The following VTA1 variants were observed in gnomAD, a reference collection of about 807,000 sequenced individuals.
VTA1 encodes the protein vesicle trafficking 1, also known as vacuolar protein sorting-associated protein VTA1 homolog.
Under a neutral mutation model 36.9 loss-of-function variants are expected in VTA1, and 24 were observed. The ratio of observed to expected loss-of-function variants is 0.65; its 90% CI spans 0.47 to 0.91. The LOEUF (loss-of-function observed/expected upper bound fraction) is 0.91, where lower values mean the gene tolerates loss of function less well. Ranked by LOEUF, VTA1 falls within the 40% of genes least tolerant of loss-of-function variation. VTA1 has a pLI of 0.00. For synonymous variants in VTA1, 142 were observed against 130.2 expected (o/e 1.09, Z -0.62); for missense variants, 393 against 377.2 (o/e 1.04, Z -0.35).
rs201292468 is a variant in VTA1 at position 142,218,458 on chromosome 6, T to C, written c.779-40T>C. The C allele has an allele frequency of 8.7e-5, 139 of 1,602,578 alleles. 1 individual carries two copies. Among genetic ancestry groups the C allele is most frequent in the Non-Finnish European group, 7.7e-6 (9 of 1,175,076 alleles). On this transcript the variant is annotated intron_variant, in intron 7 of 7. Transcript: ENST00000367630. Reference sequence around the variant, plus strand: ...TTGCCCAACCTTACAGAACACTTTTTATATTCTTATAAATATCCCAATTGT... The same window carrying C: ...TTGCCCAACCTTACAGAACACTTTTCATATTCTTATAAATATCCCAATTGT...
At position 142,177,521 on chromosome 6, in the gene VTA1, G is replaced by A. The variant is rs1775149276; in HGVS notation, c.411+7100G>A. On this transcript the variant is annotated intron_variant, in intron 4 of 7. Transcript: ENST00000367630. ...TTGGCTCTTGCAGATTCTAGCAGTA[G>A]TAAGGAGTATAGCTTGAGAAGGCCG... Among the ~76,000 whole-genome samples the A allele has an allele frequency of 3.3e-5, 5 of 152,278 alleles. 1 individual carries two copies. In the South Asian group the frequency reaches 1.0e-3, roughly 32 times the overall value.
chr6:142,212,631 A>T (rs1485066998), intron 7 of VTA1, among the ~76,000 whole-genome samples: 1 of 152,208 alleles, frequency 6.6e-6, no homozygotes, highest in Non-Finnish European at 1.5e-5. Context: ...AGACTGGGTA[A>T]TGTATGAAGA....
At chr6:142,159,167 C>A (rs996229133) in intron 1 of VTA1, among the ~76,000 whole-genome samples, 1 of 151,976 alleles carries the variant, frequency 6.6e-6, no homozygotes, top group African/African-American at 2.4e-5. Context: ...GGAGACCAGC[C>A]TAGGCAACAT....
intron 4 of VTA1, among the ~76,000 whole-genome samples, chr6:142,178,940 C>A (rs1341213254): frequency 2.0e-5 from 3 of 151,902 alleles, no homozygotes; most frequent in Non-Finnish European, 4.4e-5. Flanking sequence ...TAAATAGAAT[C>A]TCAAGTGGCC....
chr6:142,169,413 C>A, intron 2 of VTA1, 137 bp from the exon 3 acceptor site: 1 of 1,023,044 alleles, frequency 9.8e-7, no homozygotes, highest in Non-Finnish European at 1.4e-6. Flanking sequence ...GCTCTTTTTG[C>A]AAGATTTCAT....
At position 142,170,288 on chromosome 6, in the gene VTA1, A is replaced by G. The variant is rs1775003155; in HGVS notation, c.336-58A>G. ...ATTTTTTTTCTTATAGCTAAATGAC[A>G]AAACTACATTTTAATGTGTTTCATA... On this transcript the variant is annotated intron_variant, in intron 3 of 7. Coordinates refer to ENST00000367630, the MANE Select transcript of VTA1 (RefSeq NM_016485.5). 5 of 1,335,410 alleles carry G rather than the reference A, an allele frequency of 3.7e-6. No homozygotes were observed. In the Admixed American group the frequency reaches 9.4e-5, roughly 25 times the overall value. 82.7% of individuals were successfully genotyped at this position (1,335,410 alleles called of 1,614,324 possible). A position where few individuals can be genotyped will look rare whatever the true frequency, so the allele number is the denominator to read the frequency against.
intron 7 of VTA1, among the ~76,000 whole-genome samples, chr6:142,211,467 T>G (rs1297218901): frequency 3.9e-5 from 6 of 152,174 alleles, no homozygotes; most frequent in Non-Finnish European, 7.4e-5. Context: ...CTAAAGATGC[T>G]GTCAAGAAAA....
chr6:142,218,964 A>G lies in VTA1; in HGVS notation c.*321A>G, dbSNP rs887913583. 17 of 172,438 alleles carry G rather than the reference A, an allele frequency of 9.9e-5. No homozygotes were observed. Among genetic ancestry groups the G allele is most frequent in the Non-Finnish European group, 1.7e-4 (14 of 81,820 alleles). The allele number at this position is 172,438 out of a possible 1,614,324, so 10.7% of individuals were successfully genotyped here. ...TACTGGGAATAAGCTTTGTATTTAC[A>G]TACATTAGGGGAATTTTTTAAAATC... On this transcript the variant is annotated 3_prime_UTR_variant, in exon 8 of 8. Coordinates refer to ENST00000367630, the MANE Select transcript of VTA1 (RefSeq NM_016485.5).
chr6:142,172,197 G>C, intron 4 of VTA1, among the ~76,000 whole-genome samples: 1 of 152,156 alleles, frequency 6.6e-6, no homozygotes, highest in Non-Finnish European at 1.5e-5. Context: ...TTTTAGCAGA[G>C]ATGGGGTTTC....
intron 4 of VTA1, among the ~76,000 whole-genome samples, chr6:142,188,124 G>T (rs906295368): frequency 6.6e-6 from 1 of 150,536 alleles, no homozygotes; most frequent in Non-Finnish European, 1.5e-5. Context: ...GGCCAGGCTG[G>T]TCTCCAACTC....
intron 4 of VTA1, among the ~76,000 whole-genome samples, chr6:142,184,367 T>C (rs1179540121): frequency 6.7e-6 from 1 of 150,034 alleles, no homozygotes; most frequent in Non-Finnish European, 1.5e-5. Context: ...AATGATAAGA[T>C]TATAGAATCC....
intron 4 of VTA1, among the ~76,000 whole-genome samples, chr6:142,174,472 T>TA (rs748915293): frequency 4.7e-4 from 72 of 152,186 alleles, no homozygotes; most frequent in Non-Finnish European, 9.4e-4. Flanking sequence ...CTTTTAATCT[T>TA]ACAGGCTCAC....
At chr6:142,216,252 C>T (rs147864504) in intron 7 of VTA1, among the ~76,000 whole-genome samples, 72 of 151,982 alleles carry the variant, frequency 4.7e-4, no homozygotes, top group African/African-American at 1.1e-3. Context: ...ATATATTTTT[C>T]GCTTACTCTG....
chr6:142,175,035 A>G (rs548296419), intron 4 of VTA1, among the ~76,000 whole-genome samples: 11 of 152,208 alleles, frequency 7.2e-5, no homozygotes, highest in Admixed American at 2.0e-4. Context: ...AGACTAATAC[A>G]AGATGTAAAC....
At chr6:142,198,115 ATATATGTGTGTGTGTGTG>A (rs1466504120) in intron 5 of VTA1, among the ~76,000 whole-genome samples, 33 of 76,544 alleles carry the variant, frequency 4.3e-4, no homozygotes, top group African/African-American at 1.3e-3. Context: ...ATATATATAT[ATATATGTGTGTGTGTGTG>A]TGTGTGTGTG....
At chr6:142,193,757 C>T (rs1440316653) in intron 5 of VTA1, among the ~76,000 whole-genome samples, 2 of 151,716 alleles carry the variant, frequency 1.3e-5, no homozygotes, top group Admixed American at 6.6e-5. Context: ...CCTTTTTCTT[C>T]ATACCTGTCC....
chr6:142,216,206 TA>T (rs1213552317), intron 7 of VTA1, among the ~76,000 whole-genome samples: 2 of 152,186 alleles, frequency 1.3e-5, no homozygotes, highest in African/African-American at 4.8e-5. Context: ...AACTGAAATT[TA>T]ACACTTGTTC....
chr6:142,179,509 A>G (rs1775187280), intron 4 of VTA1, among the ~76,000 whole-genome samples: 1 of 152,174 alleles, frequency 6.6e-6, no homozygotes, highest in African/African-American at 2.4e-5. Context: ...ACATTGGGGT[A>G]TTAGATACAA....
chr6:142,173,689 C>T (rs1775067556), intron 4 of VTA1, among the ~76,000 whole-genome samples: 1 of 152,202 alleles, frequency 6.6e-6, no homozygotes, highest in Admixed American at 6.5e-5. Flanking sequence ...AGGTTCTCTT[C>T]ACTTAAGGAA....
Sources: allele counts gnomAD v4.1 joint callset (sites outside exome capture counted in the v4.1 genomes callset), GRCh38; gene constraint gnomAD v4.1.1; transcripts MANE v1.5; gene names NCBI Gene and HGNC (gene_info 2026-07-23, HGNC 2026-07-21).